NVL: variants seen among roughly 807,000 people sequenced by gnomAD.
NVL encodes the protein nuclear VCP like.
A neutral mutation model predicts 110.2 loss-of-function variants in NVL; 84 were observed. The ratio of observed to expected loss-of-function variants is 0.76; its 90% CI spans 0.64 to 0.91. NVL has a LOEUF of 0.91. Ranked by LOEUF, NVL falls within the 40% of genes least tolerant of loss-of-function variation. The pLI is 0.00. For missense variants in NVL, 882 were observed against 1,035.9 expected, an observed-to-expected ratio of 0.85 and a Z score of 2.04; for synonymous variants, 354 against 361.1, an observed-to-expected ratio of 0.98 and a Z score of 0.22.
intron 14 of NVL, 70 bp from the exon 15 acceptor site, chr1:224,286,200 G>A: frequency 9.6e-7 from 1 of 1,042,374 alleles, no homozygotes; most frequent in South Asian, 1.4e-5. Flanking sequence ...ATTATTTCCA[G>A]ATACATATTT....
intron 11 of NVL, among the ~76,000 whole-genome samples, chr1:224,295,862 A>T (rs1667827304): frequency 6.8e-6 from 1 of 147,092 alleles, no homozygotes; most frequent in Non-Finnish European, 1.5e-5. Context: ...GCTACTCAGG[A>T]GGCTGAGGAG....
chr1:224,276,225 C>G (rs978153714), intron 16 of NVL, among the ~76,000 whole-genome samples: 3 of 152,024 alleles, frequency 2.0e-5, no homozygotes, highest in Non-Finnish European at 4.4e-5. Context: ...AACATCTTTA[C>G]AGTGCCAATT....
At position 224,311,837 on chromosome 1, in the gene NVL, TCAG is replaced by T; in HGVS notation, c.302_304del (p.Ser101_Asp102delinsTyr). The T allele has an allele frequency of 1.2e-6, 2 of 1,613,494 alleles. No homozygotes were observed. The highest frequency in any genetic ancestry group is 3.3e-4 in the Middle Eastern group (2 of 6,058). On this transcript the variant is annotated inframe_deletion, in exon 5 of 23. Transcript: ENST00000281701. ...GTAGTCTTCCATACTTGAATCATCA[TCAG>T]AATAGCTTTCAGTATACCTCAGTAA...
At chr1:224,305,974 T>C (rs1668876516) in intron 6 of NVL, among the ~76,000 whole-genome samples, 1 of 142,434 alleles carries the variant, frequency 7.0e-6, no homozygotes, top group South Asian at 2.4e-4. Flanking sequence ...TGTGAGCTCC[T>C]TGATTAAGGA....
Position 224,317,907 on chromosome 1 carries a change from CT to C in NVL, c.154del (p.Arg52GlufsTer8), listed in dbSNP as rs757612638. ...TTCTACCTGAATCCTAAAAGCATTT[CT>C]TTTTCTTCGACCATAGTCTATACTG... ...VYSIDYGRRK[R>X]NAFRIQVEKV... is the part of the protein sequence containing the mutation. On this transcript the variant is annotated frameshift_variant, in exon 3 of 23. Transcript: ENST00000281701. LOFTEE classifies it high-confidence loss of function. The C allele has an allele frequency of 3.8e-6, 6 of 1,598,742 alleles. No individual in the cohort carries two copies. In the African/African-American group the frequency reaches 8.1e-5, roughly 21 times the overall value.
At chr1:224,320,950 C>T (rs1670584685) in intron 2 of NVL, among the ~76,000 whole-genome samples, 1 of 152,132 alleles carries the variant, frequency 6.6e-6, no homozygotes, top group African/African-American at 2.4e-5. Context: ...AAATCATGAC[C>T]ATTTAAAAAG....
intron 4 of NVL, among the ~76,000 whole-genome samples, chr1:224,314,219 A>T (rs1669839870): frequency 6.6e-6 from 1 of 152,234 alleles, no homozygotes; most frequent in African/African-American, 2.4e-5. Flanking sequence ...CACCTCAAAA[A>T]TTCAACATAA....
intron 9 of NVL, among the ~76,000 whole-genome samples, chr1:224,303,497 T>C (rs1668616298): frequency 6.8e-6 from 1 of 146,710 alleles, no homozygotes; most frequent in Non-Finnish European, 1.5e-5. Context: ...AACAATTACA[T>C]ACATTAAAAA....
At position 224,273,060 on chromosome 1, in the gene NVL, C is replaced by CA. The variant is rs1049958217; in HGVS notation, c.2082+2278dup. The stretch of plus-strand genomic sequence containing the variant: ...AAAAAAAACAAAAAAAACAAACAAA[C>CA]AAAAAAAAACACAACAAAAACACAA... On this transcript the variant is annotated intron_variant, in intron 17 of 22. Coordinates refer to ENST00000281701, the MANE Select transcript of NVL (RefSeq NM_002533.4). Among the ~76,000 whole-genome samples the CA allele has an allele frequency of 4.0e-3, 476 of 119,376 alleles. 6 individuals are homozygous for CA. Among genetic ancestry groups the CA allele is most frequent in the African/African-American group, 0.015 (446 of 28,984 alleles). The allele number at this position is 119,376 out of a possible 152,430, so 78.3% of individuals were successfully genotyped here. A position where few individuals can be genotyped will look rare whatever the true frequency, so the allele number is the denominator to read the frequency against.
rs190277961 is a variant in NVL, at chr1:224,260,944, C to T, written c.2182+7090G>A. On this transcript the variant is annotated intron_variant, in intron 18 of 22. Coordinates refer to ENST00000281701, the MANE Select transcript of NVL (RefSeq NM_002533.4). ...AGGCTGGAGTGCAGTGGCGTGATCT[C>T]GGCTCACTGCAACCTCTGCCTCCTG... 6.1e-3 allele frequency among the ~76,000 whole-genome samples: 930 copies of T among 152,022 alleles called. 3 individuals carry two copies. The highest frequency in any genetic ancestry group is 0.021 in the African/African-American group (865 of 41,462).
intron 22 of NVL, among the ~76,000 whole-genome samples, chr1:224,228,832 G>C (rs1379407149): frequency 1.3e-5 from 2 of 149,194 alleles, no homozygotes; most frequent in African/African-American, 4.9e-5. Context: ...CCAGCTACTC[G>C]GGAGGCTGAG....
At chr1:224,290,986 G>C (rs1301585959) in intron 12 of NVL, among the ~76,000 whole-genome samples, 1 of 152,026 alleles carries the variant, frequency 6.6e-6, no homozygotes, top group Non-Finnish European at 1.5e-5. Flanking sequence ...TTAAAAAAAA[G>C]ATATTCAGGA....
intron 10 of NVL, among the ~76,000 whole-genome samples, chr1:224,298,869 C>A (rs1176303035): frequency 1.3e-5 from 2 of 151,868 alleles, no homozygotes; most frequent in Admixed American, 6.6e-5. Flanking sequence ...CCCTCTAAAT[C>A]ATCATGGAAG....
Position 224,310,574 on chromosome 1 carries a change from A to G in NVL, c.342+1226T>C, listed in dbSNP as rs139504420. On this transcript the variant is annotated intron_variant, in intron 5 of 22. Transcript: ENST00000281701. ...TTGTATAACTGACTTATAAACATAA[A>G]TACTGGAAGGATGGTTAATCCATCA... Among the ~76,000 whole-genome samples the G allele has an allele frequency of 2.3e-3, 356 of 152,320 alleles. 1 individual carries two copies. The highest frequency in any genetic ancestry group is 8.3e-3 in the African/African-American group (343 of 41,574).
chr1:224,271,824 A>G (rs1271529711), intron 17 of NVL, among the ~76,000 whole-genome samples: 2 of 152,072 alleles, frequency 1.3e-5, no homozygotes, highest in African/African-American at 4.8e-5. Flanking sequence ...CAGTCTGGCC[A>G]ACATAGTGAA....
intron 6 of NVL, 28 bp downstream of exon 6, chr1:224,307,963 T>C (rs756220835): frequency 6.6e-7 from 1 of 1,509,924 alleles, no homozygotes; most frequent in South Asian, 1.4e-5. Context: ...TTCGATGATA[T>C]GGGGCTAAAA....
chr1:224,325,857 G>A (rs1469387005), intron 2 of NVL, among the ~76,000 whole-genome samples: 1 of 152,190 alleles, frequency 6.6e-6, no homozygotes, highest in Non-Finnish European at 1.5e-5. Context: ...CGTGACCACA[G>A]CTCACTACAG....
At chr1:224,269,231 G>C (rs1664809027) in intron 17 of NVL, among the ~76,000 whole-genome samples, 1 of 151,954 alleles carries the variant, frequency 6.6e-6, no homozygotes, top group Non-Finnish European at 1.5e-5. Flanking sequence ...GGGATTACTG[G>C]TGTGTGTCAC....
At chr1:224,239,884 T>C (rs1446612717) in intron 19 of NVL, among the ~76,000 whole-genome samples, 1 of 152,082 alleles carries the variant, frequency 6.6e-6, no homozygotes, top group Non-Finnish European at 1.5e-5. Flanking sequence ...ATCTTAGTGT[T>C]CTCTTTGTGA....
Sources: allele counts gnomAD v4.1 joint callset (sites outside exome capture counted in the v4.1 genomes callset), GRCh38; gene constraint gnomAD v4.1.1; transcripts MANE v1.5; gene names NCBI Gene and HGNC (gene_info 2026-07-23, HGNC 2026-07-21).